The following SHISA9 variants were observed in gnomAD, a reference collection of about 807,000 sequenced individuals.
SHISA9 encodes the protein shisa family member 9.
Under a neutral mutation model 38.0 loss-of-function variants are expected in SHISA9, and 13 were observed. The ratio of observed to expected loss-of-function variants is 0.34; its 90% CI spans 0.22 to 0.54. The LOEUF is 0.54. Ranked by LOEUF, SHISA9 falls within the 20% of genes least tolerant of loss-of-function variation. The pLI is 0.91. For missense variants in SHISA9, 538 were observed against 575.8 expected (o/e 0.93, Z 0.67); for synonymous variants, 275 against 242.0 (o/e 1.14, Z -1.27).
At chr16:13,178,328 T>G (rs2050749049) in intron 2 of SHISA9, among the ~76,000 whole-genome samples, 2 of 136,488 alleles carry the variant, frequency 1.5e-5, no homozygotes, top group African/African-American at 5.8e-5. Context: ...CTCTCTGGGT[T>G]TTTTTTTTTT....
the SHISA9 span, among the ~76,000 whole-genome samples, chr16:13,367,699 C>CACGT: frequency 3.6e-5 from 2 of 55,538 alleles, no homozygotes; most frequent in African/African-American, 1.3e-4. Flanking sequence ...CGTGTGCGTG[C>CACGT]GCGCGCGCGC....
the SHISA9 span, among the ~76,000 whole-genome samples, chr16:13,362,214 C>CAAAAAA: frequency 7.8e-6 from 1 of 127,528 alleles, no homozygotes; most frequent in African/African-American, 3.0e-5. Flanking sequence ...GAACGACAGC[C>CAAAAAA]AAAAAAAAAA....
chr16:13,298,001 C>T, the SHISA9 span, among the ~76,000 whole-genome samples: 2 of 152,172 alleles, frequency 1.3e-5, no homozygotes, highest in African/African-American at 4.8e-5. Context: ...GGTGATCCAC[C>T]CGCCTCGGCC....
chr16:13,306,966 T>C, the SHISA9 span, among the ~76,000 whole-genome samples: 1 of 152,238 alleles, frequency 6.6e-6, no homozygotes, highest in African/African-American at 2.4e-5. Flanking sequence ...TAAATATTTA[T>C]GAATGAAATG....
the SHISA9 span, among the ~76,000 whole-genome samples, chr16:13,358,368 G>T: frequency 1.3e-5 from 2 of 152,120 alleles, no homozygotes; most frequent in African/African-American, 4.8e-5. Flanking sequence ...CTCTTCTAAT[G>T]CTGTCCCTCC....
the SHISA9 span, among the ~76,000 whole-genome samples, chr16:13,324,543 A>G: frequency 2.4e-4 from 36 of 152,246 alleles, 1 homozygote; most frequent in African/African-American, 7.2e-4. Context: ...TTTCACTTCT[A>G]TGAGCTGCAG....
intron 2 of SHISA9, among the ~76,000 whole-genome samples, chr16:12,975,764 G>A (rs948464658): frequency 2.6e-5 from 4 of 151,902 alleles, no homozygotes; most frequent in African/African-American, 9.7e-5. Flanking sequence ...GGAAAAAGAG[G>A]GAAGATGGCC....
chr16:13,078,354 C>T (rs1337733483), intron 2 of SHISA9, among the ~76,000 whole-genome samples: 1 of 152,136 alleles, frequency 6.6e-6, no homozygotes, highest in Non-Finnish European at 1.5e-5. Context: ...ATAGTTGTTG[C>T]ACTGTATTGT....
the SHISA9 span, among the ~76,000 whole-genome samples, chr16:13,326,713 G>A: frequency 1.9e-4 from 29 of 152,100 alleles, no homozygotes; most frequent in South Asian, 6.2e-4. Flanking sequence ...GAAGCAAGGC[G>A]CCTTCTCAGA....
At chr16:13,227,040 A>G (rs1469375788) in intron 4 of SHISA9, among the ~76,000 whole-genome samples, 1 of 152,024 alleles carries the variant, frequency 6.6e-6, no homozygotes, top group Non-Finnish European at 1.5e-5. Context: ...TCTTTCTGTT[A>G]CTCTTCACCT....
At chr16:13,231,801 T>C (rs1027325128) in intron 4 of SHISA9, among the ~76,000 whole-genome samples, 1 of 152,204 alleles carries the variant, frequency 6.6e-6, no homozygotes, top group Non-Finnish European at 1.5e-5. Flanking sequence ...AACAGGGACA[T>C]ATTTTTGTTT....
intron 2 of SHISA9, among the ~76,000 whole-genome samples, chr16:12,959,842 C>T (rs552555309): frequency 2.0e-5 from 3 of 152,236 alleles, no homozygotes; most frequent in South Asian, 2.1e-4. Context: ...CAACAGTTTC[C>T]GCACTCTACA....
At chr16:13,378,907 A>G in the SHISA9 span, among the ~76,000 whole-genome samples, 1 of 152,212 alleles carries the variant, frequency 6.6e-6, no homozygotes, top group Non-Finnish European at 1.5e-5. Context: ...TGGGGATGGA[A>G]ATTATATCTG....
the SHISA9 span, chr16:13,458,520 G>A: frequency 4.8e-6 from 2 of 418,372 alleles, no homozygotes; most frequent in South Asian, 3.7e-5. Context: ...GATCAACAAT[G>A]GCTGAAGAAC....
intron 2 of SHISA9, among the ~76,000 whole-genome samples, chr16:13,017,832 A>G (rs977072950): frequency 6.6e-6 from 1 of 152,194 alleles, no homozygotes; most frequent in African/African-American, 2.4e-5. Context: ...TGATCTACTC[A>G]AGTCTTACTA....
the SHISA9 span, among the ~76,000 whole-genome samples, chr16:13,295,683 C>G: frequency 6.6e-6 from 1 of 152,094 alleles, no homozygotes; most frequent in East Asian, 1.9e-4. Context: ...AGGTGCCAAC[C>G]AGCTGTGATT....
intron 2 of SHISA9, among the ~76,000 whole-genome samples, chr16:13,085,435 G>C (rs939298363): frequency 6.6e-6 from 1 of 152,166 alleles, no homozygotes; most frequent in African/African-American, 2.4e-5. Flanking sequence ...TCAAGAGACA[G>C]GTAACATGGC....
the SHISA9 span, among the ~76,000 whole-genome samples, chr16:13,362,611 C>T: frequency 6.6e-6 from 1 of 152,164 alleles, no homozygotes; most frequent in African/African-American, 2.4e-5. Context: ...AGTGAAAATG[C>T]AGAAAGTTTT....
chr16:12,952,290 C>A (rs1443612341), intron 2 of SHISA9, among the ~76,000 whole-genome samples: 1 of 152,216 alleles, frequency 6.6e-6, no homozygotes, highest in African/African-American at 2.4e-5. Context: ...AATTGGATGT[C>A]TCCACTGGGC....
Sources: allele counts gnomAD v4.1 joint callset (sites outside exome capture counted in the v4.1 genomes callset), GRCh38; gene constraint gnomAD v4.1.1; transcripts MANE v1.5; gene names NCBI Gene and HGNC (gene_info 2026-07-23, HGNC 2026-07-21).